Variants in EIPR1 observed in about 807,000 individuals in gnomAD.
The protein encoded by EIPR1 is EARP and GARP complex-interacting protein 1.
EIPR1 carries 25 observed loss-of-function variants against 48.1 expected under a neutral mutation model. The ratio of observed to expected loss-of-function variants is 0.52; its 90% CI spans 0.38 to 0.73. The LOEUF is 0.73. Among genes scored for constraint, EIPR1 ranks in the 30% least tolerant of loss-of-function variants. The probability of loss-of-function intolerance (pLI) is 0.00; values close to 1 mark genes in which losing one functional copy is unlikely to be tolerated. For synonymous variants in EIPR1, 204 were observed against 201.9 expected (o/e 1.01, Z -0.09); for missense variants, 415 against 506.2 (o/e 0.82, Z 1.73).
chr2:3,367,433 C>G (rs1425731341), intron 1 of EIPR1, among the ~76,000 whole-genome samples: 1 of 152,226 alleles, frequency 6.6e-6, no homozygotes, highest in African/African-American at 2.4e-5. Flanking sequence ...ACCTTAGGAG[C>G]AGGCAACACC....
intron 3 of EIPR1, among the ~76,000 whole-genome samples, chr2:3,334,564 T>C (rs1669988741): frequency 6.6e-6 from 1 of 152,240 alleles, no homozygotes; most frequent in South Asian, 2.1e-4. Flanking sequence ...CTGCTGCAGA[T>C]GACCTGATTC....
chr2:3,354,756 T>G lies in EIPR1; in HGVS notation c.43-123A>C, dbSNP rs1670680253. On this transcript the variant is annotated intron_variant, in intron 1 of 8. Coordinates refer to ENST00000382125, the MANE Select transcript of EIPR1 (RefSeq NM_003310.5). ...TGATAAAGTATAAATTAGTACAGAGTGTCTGGAAAGCAATTTAGAAATATG... is the reference window on the plus strand; with the variant it reads ...TGATAAAGTATAAATTAGTACAGAGGGTCTGGAAAGCAATTTAGAAATATG... 30 of 1,071,460 alleles carry G rather than the reference T, an allele frequency of 2.8e-5. 1 individual carries two copies. Among genetic ancestry groups the G allele is most frequent in the Non-Finnish European group, 4.0e-5 (29 of 730,084 alleles). The allele number at this position is 1,071,460 out of a possible 1,614,324, so 66.4% of individuals were successfully genotyped here.
intron 5 of EIPR1, among the ~76,000 whole-genome samples, chr2:3,209,241 C>T (rs561451800): frequency 6.6e-6 from 1 of 152,278 alleles, no homozygotes; most frequent in South Asian, 2.1e-4. Context: ...TCACCCCAGA[C>T]CTGGAGCTGA....
At chr2:3,321,450 A>C (rs1669527029) in intron 3 of EIPR1, among the ~76,000 whole-genome samples, 1 of 152,078 alleles carries the variant, frequency 6.6e-6, no homozygotes, top group Admixed American at 6.6e-5. Flanking sequence ...ATGGATTCCA[A>C]CTTTTCTCCC....
At chr2:3,343,994 C>CAGG (rs1473193210) in intron 2 of EIPR1, among the ~76,000 whole-genome samples, 49 of 152,256 alleles carry the variant, frequency 3.2e-4, no homozygotes, top group African/African-American at 1.2e-3. Flanking sequence ...GGCTTGAGCC[C>CAGG]AGGAGGTCAA....
At chr2:3,203,407 A>C (rs28684738) in intron 5 of EIPR1, among the ~76,000 whole-genome samples, 4 of 152,260 alleles carry the variant, frequency 2.6e-5, no homozygotes, top group African/African-American at 9.6e-5. Flanking sequence ...ACCAAGGCAG[A>C]GAGATAGGTA....
intron 5 of EIPR1, among the ~76,000 whole-genome samples, chr2:3,212,006 C>G (rs927405286): frequency 1.3e-5 from 2 of 152,150 alleles, no homozygotes; most frequent in African/African-American, 4.8e-5. Context: ...GGTAATGATG[C>G]AGTGAGCATG....
In EIPR1 at chr2:3,366,996, G is replaced by C. The variant is rs546536224; in HGVS notation, c.42+10652C>G. On this transcript the variant is annotated intron_variant, in intron 1 of 8. Coordinates refer to ENST00000382125, the MANE Select transcript of EIPR1 (RefSeq NM_003310.5). The stretch of plus-strand genomic sequence containing the variant: ...GGAGGTGGAGGTTGCAGTGAGCCAA[G>C]ATTGCGCCACTGTACTCCAGTCTGG... Among the ~76,000 whole-genome samples, 216 of 151,888 alleles carry C rather than the reference G, an allele frequency of 1.4e-3. 1 individual carries two copies. In the South Asian group the frequency reaches 0.021, roughly 15 times the overall value.
chr2:3,361,236 T>C (rs185718002), intron 1 of EIPR1, among the ~76,000 whole-genome samples: 3 of 152,246 alleles, frequency 2.0e-5, no homozygotes, highest in East Asian at 1.9e-4. Context: ...GGGGCTTTCA[T>C]TCCACCCTCA....
intron 4 of EIPR1, among the ~76,000 whole-genome samples, chr2:3,224,645 GA>G (rs1171559555): frequency 6.6e-6 from 1 of 152,134 alleles, no homozygotes; most frequent in African/African-American, 2.4e-5. Context: ...GCTGCCCAGG[GA>G]TAACTGCTCC....
intron 3 of EIPR1, among the ~76,000 whole-genome samples, chr2:3,336,007 G>A (rs1369669971): frequency 6.6e-6 from 1 of 152,180 alleles, no homozygotes; most frequent in African/African-American, 2.4e-5. Context: ...GGGCCACACT[G>A]CATGTGGTTA....
In EIPR1 at chr2:3,312,568, A is replaced by G. The variant is rs34840587; in HGVS notation, c.259+25449T>C. Among the ~76,000 whole-genome samples the G allele has an allele frequency of 0.3, 44,950 of 152,068 alleles. 9,225 individuals carry two copies. Among genetic ancestry groups the G allele is most frequent in the East Asian group, 0.64 (3,306 of 5,166 alleles). ...TCAGCACCTGCTCATCATTGTCAGC[A>G]TGTTTCTGGTCTCTTAAAATTGAAG... On this transcript the variant is annotated intron_variant, in intron 3 of 8. Coordinates refer to ENST00000382125, the MANE Select transcript of EIPR1 (RefSeq NM_003310.5). The surrounding 1 kb of genome is among the most constrained non-coding windows in gnomAD (Gnocchi z 5.5).
intron 5 of EIPR1, among the ~76,000 whole-genome samples, chr2:3,199,061 G>GCCC (rs1334678710): frequency 1.9e-3 from 43 of 22,454 alleles, no homozygotes; most frequent in South Asian, 7.2e-3. Context: ...ATTTTAGAGG[G>GCCC]CCCCCCCCCC....
chr2:3,317,259 C>T lies in EIPR1; in HGVS notation c.259+20758G>A, dbSNP rs114412117. Among the ~76,000 whole-genome samples the T allele has an allele frequency of 7.1e-3, 1,081 of 151,758 alleles. 13 individuals carry two copies. The highest frequency in any genetic ancestry group is 0.025 in the African/African-American group (1,014 of 41,310). Reference sequence around the variant, plus strand: ...ACCAAGCTGAGGACCTACTGTGCGCCTTGCATGCCGGGTAGAGAACAGAGC... The same window carrying T: ...ACCAAGCTGAGGACCTACTGTGCGCTTTGCATGCCGGGTAGAGAACAGAGC... On this transcript the variant is annotated intron_variant, in intron 3 of 8. Coordinates refer to ENST00000382125, the MANE Select transcript of EIPR1 (RefSeq NM_003310.5).
intron 1 of EIPR1, 124 bp downstream of exon 1, chr2:3,377,524 A>G: frequency 8.0e-7 from 1 of 1,251,468 alleles, no homozygotes; most frequent in South Asian, 1.4e-5. Flanking sequence ...CAAAATGGGA[A>G]CTAGGGAACA....
At chr2:3,351,040 C>T (rs1360043436) in intron 2 of EIPR1, among the ~76,000 whole-genome samples, 1 of 145,718 alleles carries the variant, frequency 6.9e-6, no homozygotes, top group African/African-American at 2.5e-5. Context: ...GCTCTGTCAC[C>T]CAGCCTGGAG....
chr2:3,220,768 T>A (rs1314734907), intron 4 of EIPR1, among the ~76,000 whole-genome samples: 3 of 140,974 alleles, frequency 2.1e-5, no homozygotes, highest in African/African-American at 5.3e-5. Flanking sequence ...CGAGGTACAC[T>A]CTAGAACATT....
intron 1 of EIPR1, among the ~76,000 whole-genome samples, chr2:3,365,697 C>G (rs1261888011): frequency 6.7e-6 from 1 of 150,334 alleles, no homozygotes; most frequent in Non-Finnish European, 1.5e-5. Context: ...TCTTAACGAG[C>G]CTGCTGCCTT....
chr2:3,247,734 T>C lies in EIPR1; in HGVS notation c.416+9565A>G, dbSNP rs1666876382. Among the ~76,000 whole-genome samples, 3 of 152,194 alleles carry C rather than the reference T, an allele frequency of 2.0e-5. No individual in the cohort carries two copies. In the South Asian group the frequency reaches 6.2e-4, roughly 32 times the overall value. Reference sequence around the variant, plus strand: ...TTTAGCTATCAGTTTAATCATTGACTCAGGGAGAAACCTAATCCTTTAATA... The same window carrying C: ...TTTAGCTATCAGTTTAATCATTGACCCAGGGAGAAACCTAATCCTTTAATA... On this transcript the variant is annotated intron_variant, in intron 4 of 8. Coordinates refer to ENST00000382125, the MANE Select transcript of EIPR1 (RefSeq NM_003310.5).
Sources: gnomAD v4.1 joint callset for allele counts (sites outside exome capture counted in the v4.1 genomes callset) on GRCh38, gnomAD v4.1.1 for gene constraint, Gnocchi (gnomAD v3.1) non-coding constraint, MANE v1.5 for transcripts, NCBI Gene and HGNC (gene_info 2026-07-23, HGNC 2026-07-21) for gene names.